The following OSBP2 variants were observed in gnomAD, a reference collection of about 807,000 sequenced individuals.
The protein encoded by OSBP2 is oxysterol-binding protein 2.
Under a neutral mutation model 96.0 loss-of-function variants are expected in OSBP2, and 66 were observed. That is an observed-to-expected ratio of 0.69 (90% CI 0.56 to 0.84). OSBP2 has a LOEUF of 0.84. Among genes scored for constraint, OSBP2 ranks in the 40% least tolerant of loss-of-function variants. The pLI is 0.00. For synonymous variants in OSBP2, 525 were observed against 520.9 expected, an observed-to-expected ratio of 1.01 and a Z score of -0.11; for missense variants, 1,038 against 1,222.7, an observed-to-expected ratio of 0.85 and a Z score of 2.25.
intron 2 of OSBP2, among the ~76,000 whole-genome samples, chr22:30,819,034 T>C (rs6518715): frequency 0.047 from 7,215 of 152,224 alleles, 577 homozygotes; most frequent in African/African-American, 0.17. Context: ...AACCTAGACC[T>C]GTTCAAAAGA....
rs2039909641 is a variant in OSBP2, at chr22:30,890,040, C to T, written c.1623+404C>T. On this transcript the variant is annotated intron_variant, in intron 7 of 13. Transcript: ENST00000332585. This position sits in a 1 kb window ranked among gnomAD's most constrained non-coding sequence, Gnocchi z 4.4. ...GTGCCATCCCCAGGAAATGCAGGCT[C>T]AGAGCTTGGATCCTCATGCCACCTG... Among the ~76,000 whole-genome samples, 1 of 152,158 alleles carries T rather than the reference C, an allele frequency of 6.6e-6. No homozygotes were observed. Among genetic ancestry groups the T allele is most frequent in the South Asian group, 2.1e-4 (1 of 4,826 alleles).
At chr22:30,853,364 A>G (rs2039012659) in intron 2 of OSBP2, among the ~76,000 whole-genome samples, 1 of 152,182 alleles carries the variant, frequency 6.6e-6, no homozygotes, top group African/African-American at 2.4e-5. Context: ...TGAAATTTCC[A>G]TCTTTATCTC....
intron 12 of OSBP2, among the ~76,000 whole-genome samples, chr22:30,899,158 A>T (rs761700447): frequency 6.6e-6 from 1 of 152,066 alleles, no homozygotes; most frequent in Non-Finnish European, 1.5e-5. Context: ...AGGCAGTTGG[A>T]TTGCTTAAGC....
chr22:30,778,541 A>G (rs2090469955), intron 2 of OSBP2, among the ~76,000 whole-genome samples: 1 of 152,122 alleles, frequency 6.6e-6, no homozygotes, highest in African/African-American at 2.4e-5. Context: ...ACCCACTGCC[A>G]TGTCCATGCT....
chr22:30,842,059 A>T (rs908644941), intron 2 of OSBP2, among the ~76,000 whole-genome samples: 3 of 151,818 alleles, frequency 2.0e-5, no homozygotes, highest in Non-Finnish European at 4.4e-5. Flanking sequence ...TGATCTTCTT[A>T]CCTCAACCTC....
At chr22:30,891,726 G>A (rs2039952754) in intron 8 of OSBP2, among the ~76,000 whole-genome samples, 1 of 152,114 alleles carries the variant, frequency 6.6e-6, no homozygotes, top group Admixed American at 6.5e-5. Context: ...TTGGATACGG[G>A]GGTGGGGGGC....
At chr22:30,822,720 G>A in intron 2 of OSBP2, 2 of 1,520,450 alleles carry the variant, frequency 1.3e-6, no homozygotes, top group South Asian at 2.4e-5. Context: ...GTTAGTGCTT[G>A]CCGGGCTTCC....
At chr22:30,785,425 G>C (rs1223431672) in intron 2 of OSBP2, among the ~76,000 whole-genome samples, 3 of 152,014 alleles carry the variant, frequency 2.0e-5, no homozygotes, top group African/African-American at 7.2e-5. Context: ...AAATTAGCTG[G>C]ACATGGTGGC....
At chr22:30,829,206 A>G (rs778524471) in intron 2 of OSBP2, among the ~76,000 whole-genome samples, 15 of 152,202 alleles carry the variant, frequency 9.9e-5, no homozygotes, top group Non-Finnish European at 2.1e-4. Flanking sequence ...GTTGGCGTGC[A>G]GGGCTGCTGT....
intron 8 of OSBP2, among the ~76,000 whole-genome samples, chr22:30,892,404 G>A (rs548623177): frequency 2.0e-5 from 3 of 152,230 alleles, no homozygotes; most frequent in East Asian, 1.9e-4. Flanking sequence ...GGCACACTGC[G>A]GGCAGCGGGA....
At chr22:30,873,201 G>T (rs1215642379) in intron 3 of OSBP2, among the ~76,000 whole-genome samples, 1 of 152,160 alleles carries the variant, frequency 6.6e-6, no homozygotes, top group African/African-American at 2.4e-5. Context: ...GCAAACCCAG[G>T]TCTGTGTGGC....
chr22:30,737,197 G>A (rs1015353085), intron 1 of OSBP2, among the ~76,000 whole-genome samples: 3 of 151,632 alleles, frequency 2.0e-5, no homozygotes, highest in African/African-American at 4.8e-5. Context: ...TCTATTATTA[G>A]TAGAGATGGG....
At chr22:30,714,857 C>G (rs2089420914) in intron 1 of OSBP2, among the ~76,000 whole-genome samples, 1 of 152,170 alleles carries the variant, frequency 6.6e-6, no homozygotes, top group Non-Finnish European at 1.5e-5. Context: ...CTCAAGTGAT[C>G]CACTCACCTT....
intron 2 of OSBP2, among the ~76,000 whole-genome samples, chr22:30,797,330 T>C (rs1602276996): frequency 1.3e-5 from 2 of 152,220 alleles, no homozygotes; most frequent in Non-Finnish European, 2.9e-5. Context: ...TCACCCAGGC[T>C]GGAGTGCAGT....
intron 2 of OSBP2, among the ~76,000 whole-genome samples, chr22:30,749,353 A>G (rs2090045008): frequency 6.6e-6 from 1 of 152,188 alleles, no homozygotes; most frequent in Non-Finnish European, 1.5e-5. Flanking sequence ...TAATATCATT[A>G]GCTCATTCTC....
chr22:30,716,152 C>A (rs1013191119), intron 1 of OSBP2, among the ~76,000 whole-genome samples: 4 of 151,316 alleles, frequency 2.6e-5, no homozygotes, highest in African/African-American at 9.7e-5. Flanking sequence ...AGTGATTCTT[C>A]TGCCTCAGCC....
At chr22:30,869,542 T>C (rs558928316) in intron 2 of OSBP2, among the ~76,000 whole-genome samples, 10 of 152,342 alleles carry the variant, frequency 6.6e-5, no homozygotes, top group South Asian at 4.1e-4. Flanking sequence ...TTTTGTTTTG[T>C]TTTGTTTTTT....
chr22:30,897,967 AAAG>A (rs2040103482), intron 12 of OSBP2, among the ~76,000 whole-genome samples: 1 of 152,004 alleles, frequency 6.6e-6, no homozygotes, highest in Admixed American at 6.6e-5. Flanking sequence ...AAAAAAAAAA[AAAG>A]ATATTTAAAC....
At chr22:30,759,830 G>A (rs2090185472) in intron 2 of OSBP2, among the ~76,000 whole-genome samples, 1 of 152,032 alleles carries the variant, frequency 6.6e-6, no homozygotes, top group African/African-American at 2.4e-5. Flanking sequence ...AACAGAAGAG[G>A]AATGAGTAAT....
Sources: gnomAD v4.1 joint callset for allele counts (sites outside exome capture counted in the v4.1 genomes callset) on GRCh38, gnomAD v4.1.1 for gene constraint, Gnocchi (gnomAD v3.1) non-coding constraint, MANE v1.5 for transcripts, NCBI Gene and HGNC (gene_info 2026-07-23, HGNC 2026-07-21) for gene names.